The following DDX1 variants were observed in gnomAD, a reference collection of about 807,000 sequenced individuals.
The protein encoded by DDX1 is DEAD-box helicase 1.
Under a neutral mutation model 108.7 loss-of-function variants are expected in DDX1, and 28 were observed. The ratio of observed to expected loss-of-function variants is 0.26; its 90% confidence interval spans 0.19 to 0.35. DDX1 has a LOEUF of 0.35. Among genes scored for constraint, DDX1 ranks in the 10% least tolerant of loss-of-function variants. The pLI, the probability that DDX1 is intolerant of heterozygous loss-of-function variation, is 1.00. For missense variants in DDX1, 710 were observed against 884.5 expected (o/e 0.80, Z 2.50); for synonymous variants, 295 against 288.9 (o/e 1.02, Z -0.21).
At chr2:15,614,750 T>G (rs764637832) in intron 14 of DDX1, among the ~76,000 whole-genome samples, 1 of 152,240 alleles carries the variant, frequency 6.6e-6, no homozygotes, top group Non-Finnish European at 1.5e-5. Context: ...CTTTATAAAT[T>G]ATCTACTTTG....
In DDX1 at chr2:15,628,609, C is replaced by T. The variant is rs746977064; in HGVS notation, c.1760-29C>T. On this transcript the variant is annotated intron_variant, in intron 21 of 25. Coordinates refer to ENST00000233084, the MANE Select transcript of DDX1 (RefSeq NM_004939.3). ...GTTTGAAAAATTTAGAAACTACTGGCAATTGTTAATAATGGTTTTTATTTA... is the reference window on the plus strand; with the variant it reads ...GTTTGAAAAATTTAGAAACTACTGGTAATTGTTAATAATGGTTTTTATTTA... 9.4e-6 allele frequency: 15 copies of T among 1,597,848 alleles called. No individual in the cohort carries two copies. In the East Asian group the frequency reaches 3.4e-4, roughly 36 times the overall value.
At chr2:15,602,911 C>T (rs961607952) in intron 7 of DDX1, among the ~76,000 whole-genome samples, 37 of 152,288 alleles carry the variant, frequency 2.4e-4, no homozygotes, top group African/African-American at 8.9e-4. Flanking sequence ...ATGGGTTTCA[C>T]CATGTTGGCC....
chr2:15,599,491 T>C (rs1665554959), intron 5 of DDX1, among the ~76,000 whole-genome samples, 178 bp from the exon 6 acceptor site: 1 of 151,642 alleles, frequency 6.6e-6, no homozygotes, highest in Non-Finnish European at 1.5e-5. Flanking sequence ...ATTTTTTTTT[T>C]TAGTAGAGAT....
At chr2:15,630,347 A>T (rs1666172236) in intron 25 of DDX1, among the ~76,000 whole-genome samples, 1 of 152,222 alleles carries the variant, frequency 6.6e-6, no homozygotes, top group South Asian at 2.1e-4. Context: ...TTGAAGTGTT[A>T]ATGTCATAAG....
At position 15,615,860 on chromosome 2, in the gene DDX1, AC is replaced by A. The variant is rs578013130; in HGVS notation, c.1018-1383del. ...ATACCTTATTTGTGCTCACATAAAT[AC>A]ATCATATACACACTTTATATATTTT... On this transcript the variant is annotated intron_variant, in intron 14 of 25. Transcript: ENST00000233084. 3.3e-4 allele frequency among the ~76,000 whole-genome samples: 50 copies of A among 152,206 alleles called. 1 individual carries two copies. Among genetic ancestry groups the A allele is most frequent in the Non-Finnish European group, 5.1e-4 (35 of 68,042 alleles).
At position 15,604,519 on chromosome 2, in the gene DDX1, A is replaced by G. The variant is rs760950325; in HGVS notation, c.625+10A>G. 1.1e-4 allele frequency: 170 copies of G among 1,540,788 alleles called. No homozygotes were observed. The highest frequency in any genetic ancestry group is 1.7e-4 in the Middle Eastern group (1 of 5,934). Reference sequence around the variant, plus strand: ...AAGTTCTCCAAAAATGGTAAGCTCTATATGGATCTTAGTAGTGAAAAGATA... The same window carrying G: ...AAGTTCTCCAAAAATGGTAAGCTCTGTATGGATCTTAGTAGTGAAAAGATA... On this transcript the variant is annotated intron_variant, in intron 10 of 25. Coordinates refer to ENST00000233084, the MANE Select transcript of DDX1 (RefSeq NM_004939.3).
At chr2:15,620,104 T>C (rs1665971194) in intron 16 of DDX1, 104 bp from the exon 17 acceptor site, 2 of 1,064,748 alleles carry the variant, frequency 1.9e-6, no homozygotes, top group South Asian at 2.8e-5. Context: ...TGAACTTATC[T>C]TTGGAGTCTA....
chr2:15,596,481 T>A (rs1419800866), intron 3 of DDX1, among the ~76,000 whole-genome samples: 1 of 152,148 alleles, frequency 6.6e-6, no homozygotes, highest in Non-Finnish European at 1.5e-5. Flanking sequence ...TTTATAATAA[T>A]CTAGATTAGA....
chr2:15,622,727 T>C (rs1366120096), intron 18 of DDX1, among the ~76,000 whole-genome samples: 1 of 152,252 alleles, frequency 6.6e-6, no homozygotes, highest in Non-Finnish European at 1.5e-5. Context: ...ATGCATTTTA[T>C]AAAATTCCAG....
chr2:15,630,010 A>T lies in DDX1; in HGVS notation c.1992A>T (p.Glu664Asp), dbSNP rs371196534. Residue 664 changes from glutamate to aspartate, a missense_variant, in exon 25 of 26, where the codon GAA becomes GAT. By Grantham distance (45) the Glu-to-Asp change is conservative. Transcript: ENST00000233084. ...NEMQLLSEIE[E>D]HLNCTISQVE... ...CTTAGTTACTATCTGAGATAGAAGA[A>T]CACCTGAACTGTACCATTTCTCAGG... 6.2e-7 allele frequency: 1 copy of T among 1,604,090 alleles called. No homozygotes were observed. The highest frequency in any genetic ancestry group is 1.3e-5 in the African/African-American group (1 of 74,386).
chr2:15,600,968 A>G (rs914412129), intron 6 of DDX1, among the ~76,000 whole-genome samples: 4 of 151,878 alleles, frequency 2.6e-5, no homozygotes, highest in African/African-American at 9.7e-5. Context: ...GCTCTGTACC[A>G]TAGGTGATCT....
chr2:15,618,435 T>C (rs550684463), intron 16 of DDX1, among the ~76,000 whole-genome samples, 165 bp downstream of exon 16: 2 of 152,192 alleles, frequency 1.3e-5, no homozygotes, highest in Non-Finnish European at 2.9e-5. Flanking sequence ...CAGGCTGTGC[T>C]CAGCTCTCAC....
rs750850002 is a variant in DDX1 at position 15,595,491 on chromosome 2, C to T, written c.70C>T (p.Leu24Phe). 2.5e-6 allele frequency: 4 copies of T among 1,608,452 alleles called. No homozygotes were observed. Among genetic ancestry groups the T allele is most frequent in the East Asian group, 2.2e-5 (1 of 44,814 alleles). Reference sequence around the variant, plus strand: ...ATTCTTCAAATATGATTCTTTTAGCCTCCCAACTGATATCCAGGCTGAATC... The same window carrying T: ...ATTCTTCAAATATGATTCTTTTAGCTTCCCAACTGATATCCAGGCTGAATC... ...AQAVEEMDWL[L>F]PTDIQAESIP... Residue 24 changes from leucine to phenylalanine, a missense_variant and splice_region_variant, in exon 3 of 26, where the codon CTC becomes TTC. Physicochemically the swap from Leu to Phe is conservative, Grantham distance 22. Transcript: ENST00000233084.
intron 13 of DDX1, among the ~76,000 whole-genome samples, chr2:15,608,041 CTCTT>C (rs1448186990): frequency 6.6e-6 from 1 of 152,142 alleles, no homozygotes; most frequent in Non-Finnish European, 1.5e-5. Context: ...AGTTATAAGA[CTCTT>C]TCCACCATTG....
intron 6 of DDX1, among the ~76,000 whole-genome samples, 155 bp from the exon 7 acceptor site, chr2:15,602,393 G>C (rs866735317): frequency 6.6e-6 from 1 of 152,188 alleles, no homozygotes; most frequent in South Asian, 2.1e-4. Context: ...TATCACTCAG[G>C]AATCAGTAAG....
chr2:15,601,104 T>C (rs1010634283), intron 6 of DDX1, among the ~76,000 whole-genome samples: 1 of 152,134 alleles, frequency 6.6e-6, no homozygotes, highest in Non-Finnish European at 1.5e-5. Context: ...TCTGAGAATA[T>C]AGAGAAATAA....
In DDX1 at chr2:15,597,700, A is replaced by G. The variant is rs566149613; in HGVS notation, c.259+229A>G. 2.8e-4 allele frequency among the ~76,000 whole-genome samples: 43 copies of G among 152,318 alleles called. No individual in the cohort carries two copies. In the South Asian group the frequency reaches 8.9e-3, roughly 32 times the overall value. ...ATAGTGTTCCCTTTGAGAAAACACTAGCATTTTGGAGATTACATTTCAATA... is the reference window on the plus strand; with the variant it reads ...ATAGTGTTCCCTTTGAGAAAACACTGGCATTTTGGAGATTACATTTCAATA... On this transcript the variant is annotated intron_variant, in intron 5 of 25. Coordinates refer to ENST00000233084, the MANE Select transcript of DDX1 (RefSeq NM_004939.3).
At position 15,617,297 on chromosome 2, in the gene DDX1, A is replaced by C; in HGVS notation, c.1071A>C (p.Gly357=). The stretch of plus-strand genomic sequence containing the variant: ...GACTAGATGACTTGGTGTCAACTGG[A>C]AAGCTGAACTTATCTCAAGTTAGAT... ...PGRLDDLVST[G]KLNLSQVRFL... The change falls in exon 15 of 26, where the codon GGA becomes GGC. Residue 357 remains glycine (G), a synonymous_variant. Coordinates refer to ENST00000233084, the MANE Select transcript of DDX1 (RefSeq NM_004939.3). The C allele has an allele frequency of 2.5e-6, 4 of 1,597,242 alleles. No homozygotes were observed. Among genetic ancestry groups the C allele is most frequent in the Non-Finnish European group, 3.4e-6 (4 of 1,170,056 alleles).
intron 9 of DDX1, among the ~76,000 whole-genome samples, 159 bp from the exon 10 acceptor site, chr2:15,604,278 G>A (rs1443485392): frequency 6.6e-6 from 1 of 152,160 alleles, no homozygotes; most frequent in African/African-American, 2.4e-5. Context: ...ATTCTAACAA[G>A]CCTGTCAAAT....
Sources: gnomAD v4.1 joint callset for allele counts (sites outside exome capture counted in the v4.1 genomes callset) on GRCh38, gnomAD v4.1.1 for gene constraint, MANE v1.5 for transcripts, NCBI Gene and HGNC (gene_info 2026-07-23, HGNC 2026-07-21) for gene names.